Variants in COX7A2L observed in about 807,000 individuals in gnomAD.
COX7A2L encodes cytochrome c oxidase subunit 7A2-like, mitochondrial.
A neutral mutation model predicts 14.2 loss-of-function variants in COX7A2L; 18 were observed. That is an observed-to-expected ratio of 1.27 (90% CI 0.88 to 1.88). COX7A2L has a LOEUF of 1.88. COX7A2L is among the 40% of genes most tolerant of loss of function. The pLI is 0.00. For missense variants in COX7A2L, 179 were observed against 138.8 expected, an observed-to-expected ratio of 1.29 and a Z score of -1.46; for synonymous variants, 65 against 57.4, an observed-to-expected ratio of 1.13 and a Z score of -0.60.
At chr2:42,351,465 C>A (rs952982354) in intron 2 of COX7A2L, 106 bp from the exon 3 acceptor site, 2 of 1,288,190 alleles carry the variant, frequency 1.6e-6, no homozygotes, top group Admixed American at 2.3e-5. Context: ...TTCATCAACA[C>A]ATGACAGTGG....
Position 42,342,916 on chromosome 2 carries a change from C to T in COX7A2L, c.193-9047G>A, listed in dbSNP as rs1263573705. Among the ~76,000 whole-genome samples, 1 of 152,162 alleles carries T rather than the reference C, an allele frequency of 6.6e-6. No homozygotes were observed. The highest frequency in any genetic ancestry group is 6.5e-5 in the Admixed American group (1 of 15,284). On this transcript the variant is annotated intron_variant, in intron 2 of 2. Transcript: ENST00000468711. The surrounding 1 kb of genome is among the most constrained non-coding windows in gnomAD (Gnocchi z 4.9). ...ATCCCAACACATCCTGCAGCAGTGCCGCACCCGGGCACCGTGGAGCCACAG... is the reference window on the plus strand; with the variant it reads ...ATCCCAACACATCCTGCAGCAGTGCTGCACCCGGGCACCGTGGAGCCACAG...
rs1475001454 is a variant in COX7A2L, at chr2:42,339,296, G to C, written c.193-5427C>G. Among the ~76,000 whole-genome samples, 2 of 152,234 alleles carry C rather than the reference G, an allele frequency of 1.3e-5. No homozygotes were observed. Among genetic ancestry groups the C allele is most frequent in the East Asian group, 1.9e-4 (1 of 5,172 alleles). The stretch of plus-strand genomic sequence containing the variant: ...ACCACCAGGAGCTGAGGGGTTTCTC[G>C]GGCACAGGATCCCCCCAGCGGCTCT... On this transcript the variant is annotated intron_variant, in intron 2 of 2. Coordinates refer to the COX7A2L transcript ENST00000468711. The surrounding 1 kb of genome is among the most constrained non-coding windows in gnomAD (Gnocchi z 5.4).
chr2:42,362,476 T>A (rs1023351755), upstream of COX7A2L, among the ~76,000 whole-genome samples: 17 of 152,240 alleles, frequency 1.1e-4, no homozygotes, highest in Non-Finnish European at 2.2e-4. Context: ...ATCTCCATTT[T>A]AGAATACAGG....
rs548113519 is a variant in COX7A2L at position 42,358,028 on chromosome 2, A to C, written c.72+3062T>G. Among the ~76,000 whole-genome samples, 298 of 152,292 alleles carry C rather than the reference A, an allele frequency of 2.0e-3. 1 individual carries two copies. The highest frequency in any genetic ancestry group is 6.5e-3 in the African/African-American group (268 of 41,536). On this transcript the variant is annotated intron_variant, in intron 1 of 2. Coordinates refer to ENST00000234301, the MANE Select transcript of COX7A2L (RefSeq NM_004718.4). ...TAATTGGGAGAGGAATTCCTAGATC[A>C]CACAGTAAAATTACGTTTCCTTTTT...
At chr2:42,365,958 C>T (rs535525130), upstream of COX7A2L, 1 of 152,262 alleles carries the variant, frequency 6.6e-6, no homozygotes, top group African/African-American at 2.4e-5. Context: ...AAATGAGCAA[C>T]CACTCTGGGT....
intron 1 of COX7A2L, among the ~76,000 whole-genome samples, chr2:42,357,305 G>A (rs1670853634): frequency 6.6e-6 from 1 of 152,064 alleles, no homozygotes; most frequent in Non-Finnish European, 1.5e-5. Context: ...CAATTCATTT[G>A]GCTTTTTGTT....
At chr2:42,347,697 G>C (rs559652808), downstream of COX7A2L, among the ~76,000 whole-genome samples, 7 of 152,290 alleles carry the variant, frequency 4.6e-5, no homozygotes, top group East Asian at 1.3e-3. Context: ...CAAGGCACGT[G>C]GATCACCTGA....
chr2:42,347,347 A>C (rs1243389190), downstream of COX7A2L, among the ~76,000 whole-genome samples: 3 of 149,488 alleles, frequency 2.0e-5, no homozygotes, highest in African/African-American at 7.4e-5. Context: ...CACTATTGAA[A>C]TTGGAAATGC....
chr2:42,345,308 G>A (rs1028159663), downstream of COX7A2L, among the ~76,000 whole-genome samples: 1 of 151,746 alleles, frequency 6.6e-6, no homozygotes, highest in Non-Finnish European at 1.5e-5. Flanking sequence ...ACTTGAACCC[G>A]GGAGGCGGAG....
At chr2:42,361,767 A>G (rs1671062173), upstream of COX7A2L, 1 of 152,254 alleles carries the variant, frequency 6.6e-6, no homozygotes, top group African/African-American at 2.4e-5. Flanking sequence ...GACCTAGAGC[A>G]CCTCTTATCC....
upstream of COX7A2L, among the ~76,000 whole-genome samples, chr2:42,365,279 G>A (rs1671143198): frequency 6.6e-6 from 1 of 152,152 alleles, no homozygotes; most frequent in Admixed American, 6.6e-5. Context: ...CTGCAGTGTT[G>A]AAATATTTCA....
rs767425420 is a variant in COX7A2L at position 42,361,201 on chromosome 2, G to C, written c.-40C>G. ...GGCTTCCCGCATCCGCTGCCAACGC[G>C]ACCGCCCCAGAGAAGGACCCCGCCT... On this transcript the variant is annotated 5_prime_UTR_variant, in exon 1 of 3. Transcript: ENST00000234301. The C allele has an allele frequency of 5.1e-6, 8 of 1,559,596 alleles. No homozygotes were observed. Among genetic ancestry groups the C allele is most frequent in the Non-Finnish European group, 6.1e-6 (7 of 1,146,322 alleles).
Position 42,351,157 on chromosome 2 carries a change from C to T in COX7A2L, c.*62G>A. 1 of 1,479,292 alleles carries T rather than the reference C, an allele frequency of 6.8e-7. No homozygotes were observed. The highest frequency in any genetic ancestry group is 9.0e-7 in the Non-Finnish European group (1 of 1,108,250). 91.6% of individuals were successfully genotyped at this position (1,479,292 alleles called of 1,614,324 possible). On this transcript the variant is annotated 3_prime_UTR_variant, in exon 3 of 3. Transcript: ENST00000234301. ...AGTAAAAAAAAAAATTTTAATTTAA[C>T]AATGAAAAAGGAACTTCAAAGGGTT...
upstream of COX7A2L, among the ~76,000 whole-genome samples, chr2:42,364,530 G>C (rs1434898073): frequency 6.6e-6 from 1 of 152,080 alleles, no homozygotes; most frequent in East Asian, 1.9e-4. Context: ...ATACTGGAAA[G>C]CAAAATGGAG....
At chr2:42,355,730 T>C (rs1012183373) in intron 1 of COX7A2L, among the ~76,000 whole-genome samples, 2 of 136,030 alleles carry the variant, frequency 1.5e-5, no homozygotes, top group African/African-American at 5.6e-5. Context: ...TTTTTTTTTT[T>C]TTTTTTTTTT....
At position 42,361,046 on chromosome 2, in the gene COX7A2L, G is replaced by C. The variant is rs952289930; in HGVS notation, c.72+44C>G. The C allele has an allele frequency of 2.5e-6, 4 of 1,604,874 alleles. No homozygotes were observed. In the African/African-American group the frequency reaches 5.3e-5, roughly 21 times the overall value. On this transcript the variant is annotated intron_variant, in intron 1 of 2. Coordinates refer to ENST00000234301, the MANE Select transcript of COX7A2L (RefSeq NM_004718.4). ...CGCGACTGCCTGTCGCCGAGGCTAG[G>C]GCCGCCACTTCTCATGTCCGAGCTG...
At chr2:42,345,320 T>C (rs1359707986), downstream of COX7A2L, among the ~76,000 whole-genome samples, 2 of 151,914 alleles carry the variant, frequency 1.3e-5, no homozygotes, top group Non-Finnish European at 2.9e-5. Context: ...GAGGCGGAGG[T>C]TGCAGTGAGC....
chr2:42,354,440 T>C (rs891577374), intron 1 of COX7A2L, among the ~76,000 whole-genome samples: 1 of 152,110 alleles, frequency 6.6e-6, no homozygotes, highest in Admixed American at 6.5e-5. Flanking sequence ...AAAATAAAAA[T>C]TTAAAGTCAG....
chr2:42,337,664 G>T (rs1362881104), intron 2 of COX7A2L, among the ~76,000 whole-genome samples: 1 of 152,160 alleles, frequency 6.6e-6, no homozygotes, highest in Non-Finnish European at 1.5e-5. Flanking sequence ...GTTAACGTAA[G>T]ATCTCACCAC....
Sources: allele counts gnomAD v4.1 joint callset (sites outside exome capture counted in the v4.1 genomes callset), GRCh38; gene constraint gnomAD v4.1.1; non-coding constraint Gnocchi (gnomAD v3.1); transcripts MANE v1.5; gene names NCBI Gene and HGNC (gene_info 2026-07-23, HGNC 2026-07-21).